Variants in GPC6 observed in about 807,000 individuals in gnomAD.
GPC6 encodes glypican 6.
Under a neutral mutation model 55.2 loss-of-function variants are expected in GPC6, and 14 were observed. The observed-to-expected ratio is 0.25, with a 90% CI of 0.17 to 0.40. GPC6 has a LOEUF of 0.40. GPC6 is among the 10% of genes least tolerant of loss of function. The probability of loss-of-function intolerance (pLI) is 1.00; values close to 1 mark genes in which losing one functional copy is unlikely to be tolerated. For missense variants in GPC6, 641 were observed against 708.5 expected (o/e 0.90, Z 1.08); for synonymous variants, 278 against 259.6 (o/e 1.07, Z -0.68).
At chr13:93,908,162 T>C (rs1876773248) in intron 3 of GPC6, among the ~76,000 whole-genome samples, 1 of 152,212 alleles carries the variant, frequency 6.6e-6, no homozygotes, top group South Asian at 2.1e-4. Context: ...CACAGCAGTT[T>C]GTAGCCACAT....
chr13:94,232,800 T>C (rs997158864), intron 4 of GPC6, among the ~76,000 whole-genome samples: 3 of 152,058 alleles, frequency 2.0e-5, no homozygotes, highest in African/African-American at 7.2e-5. Context: ...CTCGGATACC[T>C]GACTCTGGGC....
intron 3 of GPC6, among the ~76,000 whole-genome samples, chr13:93,970,251 G>T (rs529890108): frequency 6.6e-6 from 1 of 152,002 alleles, no homozygotes; most frequent in Non-Finnish European, 1.5e-5. Flanking sequence ...AACCTGTCAC[G>T]AAAAAAATTT....
chr13:93,559,802 G>A (rs1429409606), intron 2 of GPC6, among the ~76,000 whole-genome samples: 1 of 152,172 alleles, frequency 6.6e-6, no homozygotes, highest in African/African-American at 2.4e-5. Flanking sequence ...ACAGTAGCAT[G>A]GGGTACCCTT....
intron 6 of GPC6, among the ~76,000 whole-genome samples, chr13:94,311,312 G>A (rs1166749482): frequency 6.6e-6 from 1 of 151,858 alleles, no homozygotes; most frequent in Non-Finnish European, 1.5e-5. Flanking sequence ...GGGATTACAG[G>A]TGCACACCAC....
chr13:94,106,207 C>T (rs1294127422), intron 4 of GPC6, among the ~76,000 whole-genome samples: 3 of 151,872 alleles, frequency 2.0e-5, no homozygotes, highest in Admixed American at 6.6e-5. Context: ...GTAGCTCCCA[C>T]GACCAAGAGT....
At chr13:94,006,561 T>A (rs183520976) in intron 3 of GPC6, among the ~76,000 whole-genome samples, 258 of 152,286 alleles carry the variant, frequency 1.7e-3, no homozygotes, top group Non-Finnish European at 2.7e-3. Flanking sequence ...TAAACATTAA[T>A]AAAGTAAAAA....
At chr13:94,271,374 G>A (rs1488036276) in intron 4 of GPC6, among the ~76,000 whole-genome samples, 97 of 108,368 alleles carry the variant, frequency 9.0e-4, no homozygotes, top group African/African-American at 9.0e-4. Flanking sequence ...ACACGCGCGC[G>A]CGCGCGCGCA....
At chr13:93,777,368 C>A in intron 2 of GPC6, among the ~76,000 whole-genome samples, 1 of 152,162 alleles carries the variant, frequency 6.6e-6, no homozygotes, top group South Asian at 2.1e-4. Context: ...TTTCCATTTG[C>A]CCAGATAACT....
At chr13:93,807,735 G>A (rs1056024184) in intron 2 of GPC6, among the ~76,000 whole-genome samples, 3 of 152,122 alleles carry the variant, frequency 2.0e-5, no homozygotes, top group Non-Finnish European at 4.4e-5. Flanking sequence ...GCTTGACACT[G>A]GTGTATGGTA....
chr13:94,027,490 A>AGTGTCTAG (rs1594677127), intron 3 of GPC6, among the ~76,000 whole-genome samples: 1 of 152,042 alleles, frequency 6.6e-6, no homozygotes, highest in Non-Finnish European at 1.5e-5. Context: ...GCAATGAAAC[A>AGTGTCTAG]GTGTCTAGGC....
intron 4 of GPC6, among the ~76,000 whole-genome samples, chr13:94,129,819 T>C (rs1035532401): frequency 7.2e-5 from 11 of 152,164 alleles, no homozygotes; most frequent in Non-Finnish European, 1.0e-4. Context: ...AAAGATTCCT[T>C]GAAAGGTTAT....
chr13:93,587,408 A>G (rs2139501000), intron 2 of GPC6, among the ~76,000 whole-genome samples: 1 of 152,292 alleles, frequency 6.6e-6, no homozygotes, highest in East Asian at 1.9e-4. Flanking sequence ...AACTTCTTCT[A>G]GCTTTTATAT....
chr13:93,782,543 C>G (rs966323415), intron 2 of GPC6, among the ~76,000 whole-genome samples: 3 of 152,104 alleles, frequency 2.0e-5, no homozygotes, highest in African/African-American at 7.2e-5. Flanking sequence ...AGTTTACATT[C>G]CCACCCAACA....
chr13:93,966,327 GCCTAAAA>G (rs1440264407), intron 3 of GPC6, among the ~76,000 whole-genome samples: 1 of 152,168 alleles, frequency 6.6e-6, no homozygotes, highest in Non-Finnish European at 1.5e-5. Context: ...TCCTGCACTT[GCCTAAAA>G]CAATATAAAA....
At chr13:94,280,124 C>G (rs1487723137) in intron 4 of GPC6, among the ~76,000 whole-genome samples, 1 of 152,110 alleles carries the variant, frequency 6.6e-6, no homozygotes, top group African/African-American at 2.4e-5. Context: ...TCTGGGTGCT[C>G]TTTGATTAGG....
At chr13:93,258,400 C>T (rs1043057102) in intron 1 of GPC6, among the ~76,000 whole-genome samples, 7 of 152,108 alleles carry the variant, frequency 4.6e-5, no homozygotes, top group African/African-American at 9.7e-5. Context: ...GCTCTCTGTG[C>T]CATAAAGGGC....
chr13:93,843,006 G>A (rs1360075881), intron 3 of GPC6, among the ~76,000 whole-genome samples: 1 of 150,352 alleles, frequency 6.7e-6, no homozygotes, highest in Non-Finnish European at 1.5e-5. Flanking sequence ...GCAAAATTAT[G>A]TGTGCTGTTT....
intron 1 of GPC6, among the ~76,000 whole-genome samples, chr13:93,543,420 G>T (rs1415102426): frequency 1.3e-5 from 2 of 151,878 alleles, no homozygotes; most frequent in African/African-American, 4.8e-5. Flanking sequence ...GCTGGATTCG[G>T]TTTGCCAGTA....
At chr13:93,291,380 G>A (rs1878314391) in intron 1 of GPC6, among the ~76,000 whole-genome samples, 1 of 152,088 alleles carries the variant, frequency 6.6e-6, no homozygotes, top group African/African-American at 2.4e-5. Context: ...ATACAGTGCT[G>A]TTTTGCCTTG....
Sources: gnomAD v4.1 joint callset for allele counts (sites outside exome capture counted in the v4.1 genomes callset) on GRCh38, gnomAD v4.1.1 for gene constraint, MANE v1.5 for transcripts, NCBI Gene and HGNC (gene_info 2026-07-23, HGNC 2026-07-21) for gene names.